The following DLC1 variants were observed in gnomAD, a reference collection of about 807,000 sequenced individuals.
DLC1 encodes the protein rho GTPase-activating protein 7.
DLC1 carries 54 observed loss-of-function variants against 140.3 expected under a neutral mutation model. That is an observed-to-expected ratio of 0.38 (90% CI 0.31 to 0.48). DLC1 has a LOEUF of 0.48. Ranked by LOEUF, DLC1 falls within the 20% of genes least tolerant of loss-of-function variation. DLC1 has a pLI of 0.96. For missense variants in DLC1, 2,536 were observed against 1,907.0 expected, an observed-to-expected ratio of 1.33 and a Z score of -6.14; for synonymous variants, 986 against 728.1, an observed-to-expected ratio of 1.35 and a Z score of -5.70.
intron 1 of DLC1, among the ~76,000 whole-genome samples, chr8:13,604,109 T>C (rs187927340): frequency 3.9e-5 from 6 of 152,246 alleles, no homozygotes; most frequent in Non-Finnish European, 7.4e-5. Flanking sequence ...CTGAAATTAT[T>C]CAATAAAATA....
intron 1 of DLC1, among the ~76,000 whole-genome samples, chr8:13,500,985 C>T (rs1801785532): frequency 6.6e-6 from 1 of 152,160 alleles, no homozygotes; most frequent in African/African-American, 2.4e-5. Context: ...AAGGCCCAGA[C>T]TGAGATAGTC....
chr8:13,539,983 G>A (rs1803429976), intron 1 of DLC1, among the ~76,000 whole-genome samples: 1 of 152,160 alleles, frequency 6.6e-6, no homozygotes, highest in South Asian at 2.1e-4. Context: ...TTGACACACA[G>A]GCATATTTTA....
chr8:13,588,690 C>T (rs1805414587), intron 1 of DLC1, among the ~76,000 whole-genome samples: 1 of 152,004 alleles, frequency 6.6e-6, no homozygotes, highest in Admixed American at 6.6e-5. Flanking sequence ...CAATATAAGA[C>T]AATTCAGAAA....
chr8:13,214,427 G>A (rs114031813), intron 5 of DLC1: 4 of 495,926 alleles, frequency 8.1e-6, no homozygotes, highest in Non-Finnish European at 1.4e-5. Flanking sequence ...GAAGGACCTT[G>A]CAGCTTTGCA....
chr8:13,339,425 A>T (rs1484390849), intron 4 of DLC1: 1 of 152,230 alleles, frequency 6.6e-6, no homozygotes, highest in Non-Finnish European at 1.5e-5. Context: ...TCTAGCTTTA[A>T]GTTACCATAT....
chr8:13,129,639 T>C (rs1233868019), intron 5 of DLC1, among the ~76,000 whole-genome samples: 1 of 152,206 alleles, frequency 6.6e-6, no homozygotes, highest in African/African-American at 2.4e-5. Flanking sequence ...CATTGGACTG[T>C]GCACACATTA....
Position 13,217,919 on chromosome 8 carries a change from G to C in DLC1, c.1348+87350C>G, listed in dbSNP as rs954228016. Among the ~76,000 whole-genome samples, 7 of 151,974 alleles carry C rather than the reference G, an allele frequency of 4.6e-5. No homozygotes were observed. The South Asian group carries it at 1.2e-3, about 27-fold the overall frequency. On this transcript the variant is annotated intron_variant, in intron 5 of 17. Coordinates refer to ENST00000276297, the MANE Select transcript of DLC1 (RefSeq NM_182643.3). ...AATACTCTGATTTTCTTGGGTCAAG[G>C]GCTTGCGTCCTCTTTGATTCCTTTT...
At chr8:13,274,090 G>C (rs1021833457) in intron 5 of DLC1, among the ~76,000 whole-genome samples, 6 of 152,288 alleles carry the variant, frequency 3.9e-5, no homozygotes, top group Middle Eastern at 3.4e-3. Context: ...ATATAACAAA[G>C]ATTTTCTCTG....
At chr8:13,180,240 G>A (rs766069076) in intron 5 of DLC1, among the ~76,000 whole-genome samples, 5 of 152,136 alleles carry the variant, frequency 3.3e-5, no homozygotes, top group Non-Finnish European at 7.3e-5. Context: ...CTTTACTGCT[G>A]TTAAAGCATT....
chr8:13,187,735 G>C (rs965872804), intron 5 of DLC1, among the ~76,000 whole-genome samples: 2 of 152,122 alleles, frequency 1.3e-5, no homozygotes, highest in African/African-American at 4.8e-5. Context: ...GGGAATACTC[G>C]AGGCGTTCAA....
At chr8:13,404,838 A>T (rs1438938514) in intron 2 of DLC1, among the ~76,000 whole-genome samples, 1 of 151,974 alleles carries the variant, frequency 6.6e-6, no homozygotes, top group Admixed American at 6.6e-5. Context: ...TCTCTGCTAA[A>T]AATATATTTT....
chr8:13,323,987 T>C (rs969440202), intron 4 of DLC1, among the ~76,000 whole-genome samples: 8 of 152,234 alleles, frequency 5.3e-5, no homozygotes, highest in African/African-American at 1.7e-4. Flanking sequence ...ATGTCCTTAA[T>C]GCCCTGGCTG....
Position 13,108,287 on chromosome 8 carries a change from C to G in DLC1, c.1502+2455G>C, listed in dbSNP as rs115359491. Among the ~76,000 whole-genome samples, 609 of 152,150 alleles carry G rather than the reference C, an allele frequency of 4.0e-3. 9 individuals are homozygous for G. The highest frequency in any genetic ancestry group is 0.014 in the African/African-American group (582 of 41,502). On this transcript the variant is annotated intron_variant, in intron 7 of 17. Transcript: ENST00000276297. ...AAATCCAACCCTAGGCCTTTCTGCA[C>G]ATACTCAAATTGGGGCCTGATAATT...
At chr8:13,195,114 G>A (rs1826974092) in intron 5 of DLC1, among the ~76,000 whole-genome samples, 1 of 152,090 alleles carries the variant, frequency 6.6e-6, no homozygotes, top group Non-Finnish European at 1.5e-5. Context: ...CTTTGATTTG[G>A]CTATTTCTCA....
chr8:13,241,536 C>T (rs984951203), intron 5 of DLC1, among the ~76,000 whole-genome samples: 5 of 152,132 alleles, frequency 3.3e-5, no homozygotes, highest in Non-Finnish European at 7.4e-5. Flanking sequence ...GATCTTAAAA[C>T]TGATATTTCA....
At chr8:13,472,915 A>G (rs140944229) in intron 2 of DLC1, among the ~76,000 whole-genome samples, 194 of 152,296 alleles carry the variant, frequency 1.3e-3, no homozygotes, top group African/African-American at 4.0e-3. Flanking sequence ...CAGATAATCT[A>G]TCAATTAACA....
intron 1 of DLC1, among the ~76,000 whole-genome samples, chr8:13,577,371 T>C (rs1804881620): frequency 6.6e-6 from 1 of 152,140 alleles, no homozygotes. Context: ...CCACAGAACA[T>C]GTTTTAGAGT....
intron 4 of DLC1, among the ~76,000 whole-genome samples, chr8:13,338,997 A>C (rs1345215785): frequency 6.6e-6 from 1 of 152,230 alleles, no homozygotes; most frequent in Non-Finnish European, 1.5e-5. Flanking sequence ...TTTTTATACC[A>C]GAAGCACTTC....
chr8:13,382,499 C>G (rs1250246792), intron 4 of DLC1, among the ~76,000 whole-genome samples: 2 of 42,668 alleles, frequency 4.7e-5, no homozygotes, highest in African/African-American at 1.9e-4. Flanking sequence ...CAGCGAGACT[C>G]CGTCTCAAAA....
Sources: allele counts gnomAD v4.1 joint callset (sites outside exome capture counted in the v4.1 genomes callset), GRCh38; gene constraint gnomAD v4.1.1; transcripts MANE v1.5; gene names NCBI Gene and HGNC (gene_info 2026-07-23, HGNC 2026-07-21).